CDH8: variants seen among roughly 807,000 people sequenced by gnomAD.
The protein encoded by CDH8 is cadherin 8.
CDH8 carries 17 observed loss-of-function variants against 68.1 expected under a neutral mutation model. That is an observed-to-expected ratio of 0.25 (90% CI 0.17 to 0.37). CDH8 has a LOEUF of 0.37. Among genes scored for constraint, CDH8 ranks in the 10% least tolerant of loss-of-function variants. The probability of loss-of-function intolerance (pLI) is 1.00; values close to 1 mark genes in which losing one functional copy is unlikely to be tolerated. For synonymous variants in CDH8, 372 were observed against 365.1 expected, an observed-to-expected ratio of 1.02 and a Z score of -0.21; for missense variants, 763 against 999.3, an observed-to-expected ratio of 0.76 and a Z score of 3.19.
At chr16:61,981,754 G>A (rs533243787) in intron 2 of CDH8, among the ~76,000 whole-genome samples, 18 of 152,196 alleles carry the variant, frequency 1.2e-4, no homozygotes, top group Admixed American at 8.5e-4. Context: ...GGAGCATGGA[G>A]AATTTTCTCT....
chr16:61,800,642 C>T (rs957927596), intron 7 of CDH8, among the ~76,000 whole-genome samples: 3 of 152,198 alleles, frequency 2.0e-5, no homozygotes, highest in African/African-American at 7.2e-5. Flanking sequence ...TTGCCTGTTT[C>T]AAAGGCACTT....
At chr16:61,766,219 A>AAGTGG (rs1338889203) in intron 8 of CDH8, among the ~76,000 whole-genome samples, 2 of 149,318 alleles carry the variant, frequency 1.3e-5, no homozygotes, top group East Asian at 4.1e-4. Flanking sequence ...CTTAGCTGCC[A>AAGTGG]CTTATAAGTG....
intron 7 of CDH8, among the ~76,000 whole-genome samples, chr16:61,814,377 T>G (rs778643592): frequency 1.4e-4 from 22 of 152,220 alleles, no homozygotes. Context: ...GACGGATTTT[T>G]CTCTATGTCA....
At chr16:61,731,405 G>C (rs1433605395) in intron 8 of CDH8, among the ~76,000 whole-genome samples, 3 of 151,668 alleles carry the variant, frequency 2.0e-5, no homozygotes, top group Non-Finnish European at 4.4e-5. Context: ...TTATGACCTA[G>C]GACGCTTTTG....
chr16:61,842,762 G>A (rs914357633), intron 4 of CDH8, among the ~76,000 whole-genome samples: 1 of 152,106 alleles, frequency 6.6e-6, no homozygotes, highest in African/African-American at 2.4e-5. Flanking sequence ...CAGGGAGCTA[G>A]GTGGTGTCAT....
intron 2 of CDH8, among the ~76,000 whole-genome samples, chr16:62,020,027 T>A (rs923547960): frequency 6.6e-6 from 1 of 152,202 alleles, no homozygotes; most frequent in Admixed American, 6.5e-5. Flanking sequence ...TATCTCCTTA[T>A]GCAGGCTTTC....
At chr16:62,009,744 A>G (rs1901761671) in intron 2 of CDH8, among the ~76,000 whole-genome samples, 1 of 152,212 alleles carries the variant, frequency 6.6e-6, no homozygotes, top group Non-Finnish European at 1.5e-5. Context: ...TCTGGTCACC[A>G]AGCCAGTGAG....
At chr16:61,843,088 C>G (rs1335376065) in intron 4 of CDH8, among the ~76,000 whole-genome samples, 1 of 152,098 alleles carries the variant, frequency 6.6e-6, no homozygotes, top group African/African-American at 2.4e-5. Flanking sequence ...TCTGAACACA[C>G]AGCCTGGACC....
At chr16:61,724,210 G>T (rs1959276598) in intron 9 of CDH8, among the ~76,000 whole-genome samples, 1 of 150,612 alleles carries the variant, frequency 6.6e-6, no homozygotes, top group Non-Finnish European at 1.5e-5. Flanking sequence ...GGAAAGAGCA[G>T]ATATGATTTC....
chr16:61,881,605 A>C (rs1020501932), intron 3 of CDH8, among the ~76,000 whole-genome samples: 22 of 152,374 alleles, frequency 1.4e-4, no homozygotes, highest in African/African-American at 4.6e-4. Flanking sequence ...AAGGTAAATC[A>C]GGATAAACTA....
intron 2 of CDH8, among the ~76,000 whole-genome samples, chr16:61,939,197 C>A (rs192685858): frequency 6.6e-6 from 1 of 152,210 alleles, no homozygotes. Flanking sequence ...AGACGGATAA[C>A]AAATACTTCT....
chr16:62,034,213 A>ACACACG (rs1194217448), intron 1 of CDH8, among the ~76,000 whole-genome samples: 1 of 151,584 alleles, frequency 6.6e-6, no homozygotes, highest in Non-Finnish European at 1.5e-5. Flanking sequence ...ACACACACAC[A>ACACACG]CACACGCACA....
intron 2 of CDH8, among the ~76,000 whole-genome samples, chr16:62,012,390 G>C (rs1413616784): frequency 6.6e-6 from 1 of 152,118 alleles, no homozygotes; most frequent in Admixed American, 6.6e-5. Context: ...GATTGTAGCT[G>C]TTCTTTCTCT....
intron 10 of CDH8, chr16:61,692,024 T>C (rs1964234867): frequency 6.6e-6 from 1 of 152,126 alleles, no homozygotes; most frequent in African/African-American, 2.4e-5. Context: ...AAGGGTTGGG[T>C]ACCCATATAA....
chr16:61,789,591 T>C, intron 7 of CDH8, 109 bp from the exon 8 acceptor site: 1 of 1,032,964 alleles, frequency 9.7e-7, no homozygotes, highest in Non-Finnish European at 1.4e-6. Context: ...ATCAAATGAA[T>C]TGGGAAACTC....
chr16:61,963,982 C>T (rs1965202773), intron 2 of CDH8, among the ~76,000 whole-genome samples: 1 of 152,176 alleles, frequency 6.6e-6, no homozygotes, highest in African/African-American at 2.4e-5. Context: ...TTACAATGAA[C>T]ACAGACTTAG....
chr16:61,784,739 C>T (rs930469316), intron 8 of CDH8, among the ~76,000 whole-genome samples: 8 of 150,284 alleles, frequency 5.3e-5, no homozygotes, highest in African/African-American at 2.0e-4. Context: ...CAAACTGTCT[C>T]TCAGACCACA....
intron 8 of CDH8, among the ~76,000 whole-genome samples, chr16:61,778,096 T>A (rs1960946552): frequency 6.6e-6 from 1 of 152,038 alleles, no homozygotes; most frequent in Non-Finnish European, 1.5e-5. Context: ...GGGAGCCTCT[T>A]AACCACCTCT....
Position 61,789,476 on chromosome 16 carries a change from G to A in CDH8, c.1284C>T (p.Ser428=). The change falls in exon 8 of 12, where the codon TCC becomes TCT. Residue 428 remains serine (S), a synonymous_variant. Transcript: ENST00000577390. ...PDITSSPIRF[S]IDRHTDLERQ... is the part of the protein sequence containing the mutation. Reference sequence around the variant, plus strand: ...TCTCCAGGTCAGTGTGCCGGTCGATGGAAAACCTACAAAACAGACACATCT... The same window carrying A: ...TCTCCAGGTCAGTGTGCCGGTCGATAGAAAACCTACAAAACAGACACATCT... The A allele has an allele frequency of 6.2e-7, 1 of 1,612,294 alleles. No individual in the cohort carries two copies. The highest frequency in any genetic ancestry group is 1.7e-5 in the Admixed American group (1 of 59,760).
Sources: gnomAD v4.1 joint callset for allele counts (sites outside exome capture counted in the v4.1 genomes callset) on GRCh38, gnomAD v4.1.1 for gene constraint, MANE v1.5 for transcripts, NCBI Gene and HGNC (gene_info 2026-07-23, HGNC 2026-07-21) for gene names.